ERC1: variants seen among roughly 807,000 people sequenced by gnomAD.
The protein encoded by ERC1 is RAB6 interacting protein 2.
ERC1 carries 56 observed loss-of-function variants against 132.0 expected under a neutral mutation model. That is an observed-to-expected ratio of 0.42 (90% CI 0.34 to 0.53). The LOEUF (loss-of-function observed/expected upper bound fraction) is 0.53, where lower values mean the gene tolerates loss of function less well. ERC1 is among the 20% of genes least tolerant of loss of function. ERC1 has a pLI of 0.03. For synonymous variants in ERC1, 478 were observed against 476.1 expected, an observed-to-expected ratio of 1.00 and a Z score of -0.05; for missense variants, 1,202 against 1,349.9, an observed-to-expected ratio of 0.89 and a Z score of 1.72.
intron 8 of ERC1, among the ~76,000 whole-genome samples, chr12:1,176,185 C>G (rs1326489388): frequency 6.6e-6 from 1 of 152,190 alleles, no homozygotes. Flanking sequence ...AAAATGACTC[C>G]TTGATCCATG....
intron 14 of ERC1, among the ~76,000 whole-genome samples, chr12:1,280,737 CAT>C: frequency 6.6e-6 from 1 of 152,216 alleles, no homozygotes; most frequent in Non-Finnish European, 1.5e-5. Context: ...ATACACGTAT[CAT>C]ATATGCACAT....
At chr12:1,414,383 T>C (rs1303044354) in intron 17 of ERC1, among the ~76,000 whole-genome samples, 1 of 152,154 alleles carries the variant, frequency 6.6e-6, no homozygotes, top group South Asian at 2.1e-4. Context: ...TCTCGTGGTG[T>C]TTCTTTTTAT....
At chr12:991,120 G>A (rs1219528013), upstream of ERC1, 8 of 151,520 alleles carry the variant, frequency 5.3e-5, no homozygotes, top group Admixed American at 2.6e-4. Flanking sequence ...CTGAGGGAAA[G>A]GGAGGCAGCC....
intron 15 of ERC1, among the ~76,000 whole-genome samples, chr12:1,330,961 C>G (rs2082820129): frequency 6.6e-6 from 1 of 152,126 alleles, no homozygotes; most frequent in Admixed American, 6.5e-5. Flanking sequence ...CTGTCCCCTG[C>G]TTATTTAGTT....
intron 18 of ERC1, among the ~76,000 whole-genome samples, chr12:1,457,810 T>C (rs933267319): frequency 6.6e-6 from 1 of 152,130 alleles, no homozygotes; most frequent in Non-Finnish European, 1.5e-5. Flanking sequence ...GGAGGGTCAC[T>C]TGAGCCCAGC....
At chr12:1,007,540 C>CTCTGTGTGTG (rs1555194875) in intron 1 of ERC1, among the ~76,000 whole-genome samples, 4,479 of 122,668 alleles carry the variant, frequency 0.037, 102 homozygotes, top group African/African-American at 0.054. Context: ...CTCTCTCTCT[C>CTCTGTGTGTG]TGTGTGTGTG....
At chr12:1,163,150 A>G (rs1423509417) in intron 8 of ERC1, among the ~76,000 whole-genome samples, 2 of 152,184 alleles carry the variant, frequency 1.3e-5, no homozygotes, top group African/African-American at 4.8e-5. Context: ...TTAACTTGCA[A>G]AGTATTATTT....
At position 1,110,263 on chromosome 12, in the gene ERC1, T is replaced by C. The variant is rs1431487007; in HGVS notation, c.1233T>C (p.Asn411=). 5 of 1,613,516 alleles carry C rather than the reference T, an allele frequency of 3.1e-6. No homozygotes were observed. Among genetic ancestry groups the C allele is most frequent in the East Asian group, 2.2e-5 (1 of 44,854 alleles). Reference sequence around the variant, plus strand: ...AGGAAATTCAGATGCTGAAATCGAATGGTGCTTTGAGTACTGAGGAAAGGG... The same window carrying C: ...AGGAAATTCAGATGCTGAAATCGAACGGTGCTTTGAGTACTGAGGAAAGGG... The part of the protein sequence containing the change: ...LEEEIQMLKS[N]GALSTEEREE... Residue 411 remains asparagine (N), a synonymous_variant, in exon 5 of 19, where the codon AAT becomes AAC. Transcript: ENST00000360905.
intron 17 of ERC1, among the ~76,000 whole-genome samples, chr12:1,435,590 A>G (rs187780691): frequency 9.3e-4 from 142 of 152,222 alleles, no homozygotes; most frequent in African/African-American, 3.0e-3. Context: ...TGGTGATACA[A>G]AGTTCTTGGG....
At chr12:1,473,422 T>G (rs1259546614) in intron 18 of ERC1, among the ~76,000 whole-genome samples, 1 of 152,082 alleles carries the variant, frequency 6.6e-6, no homozygotes, top group African/African-American at 2.4e-5. Flanking sequence ...AGCCTTTCCT[T>G]CCTGTAAAAA....
Position 1,490,254 on chromosome 12 carries a change from G to C in ERC1, c.*24G>C. Reference sequence around the variant, plus strand: ...GACCCTGCTTTATGGGGAAGCCTGAGGTAGTCAACCCAGGAGCCAAGAAAA... The same window carrying C: ...GACCCTGCTTTATGGGGAAGCCTGACGTAGTCAACCCAGGAGCCAAGAAAA... On this transcript the variant is annotated 3_prime_UTR_variant, in exon 19 of 19. Coordinates refer to ENST00000360905, the MANE Select transcript of ERC1 (RefSeq NM_178040.4). 2 of 1,609,628 alleles carry C rather than the reference G, an allele frequency of 1.2e-6. No homozygotes were observed. The highest frequency in any genetic ancestry group is 1.7e-6 in the Non-Finnish European group (2 of 1,177,198).
chr12:1,197,365 C>T (rs1956432178), intron 12 of ERC1, among the ~76,000 whole-genome samples: 1 of 152,144 alleles, frequency 6.6e-6, no homozygotes, highest in Non-Finnish European at 1.5e-5. Context: ...CTAACAATTC[C>T]AGTGTCTGTC....
At chr12:1,467,147 A>G (rs1592230727) in intron 18 of ERC1, among the ~76,000 whole-genome samples, 1 of 152,370 alleles carries the variant, frequency 6.6e-6, no homozygotes, top group Admixed American at 6.5e-5. Context: ...ACTCTTTTCT[A>G]ATGTAAGCTC....
intron 15 of ERC1, among the ~76,000 whole-genome samples, chr12:1,298,411 C>T (rs1004837604): frequency 4.6e-5 from 7 of 151,428 alleles, no homozygotes; most frequent in Admixed American, 2.0e-4. Context: ...GGTGTGGTGG[C>T]GGGTGTCTGT....
At chr12:1,151,281 C>T (rs895285451) in intron 8 of ERC1, among the ~76,000 whole-genome samples, 18 of 152,258 alleles carry the variant, frequency 1.2e-4, no homozygotes, top group African/African-American at 3.9e-4. Context: ...ATTTTACCTT[C>T]GGAACATTAA....
At chr12:1,110,876 G>A (rs1030414816) in intron 5 of ERC1, among the ~76,000 whole-genome samples, 1 of 152,002 alleles carries the variant, frequency 6.6e-6, no homozygotes, top group African/African-American at 2.4e-5. Flanking sequence ...CTAATTTTTT[G>A]TATTTTTTGT....
Position 1,183,347 on chromosome 12 carries a change from C to T in ERC1, c.2083C>T (p.Arg695Trp), listed in dbSNP as rs371296173. 41 of 1,599,746 alleles carry T rather than the reference C, an allele frequency of 2.6e-5. No individual in the cohort carries two copies. The highest frequency in any genetic ancestry group is 1.6e-4 in the African/African-American group (12 of 74,702). ...LASSGLKKDS[R>W]LKTLEIALEQ... ...ATCCTCAGGACTGAAAAAGGACTCA[C>T]GGCTTAAGACACTAGAGATTGCTTT... The change falls in exon 11 of 19, where the codon CGG (arginine) becomes TGG (tryptophan). Residue 695 changes from arginine to tryptophan, a missense_variant. Physicochemically the swap from Arg to Trp is moderately radical, Grantham distance 101. Coordinates refer to ENST00000360905, the MANE Select transcript of ERC1 (RefSeq NM_178040.4).
intron 2 of ERC1, among the ~76,000 whole-genome samples, chr12:1,040,858 C>A (rs1970089723): frequency 6.6e-6 from 1 of 152,080 alleles, no homozygotes; most frequent in Admixed American, 6.6e-5. Flanking sequence ...CCATCTCTTA[C>A]CGGTGGCTGG....
intron 17 of ERC1, among the ~76,000 whole-genome samples, chr12:1,425,614 G>A (rs1357646072): frequency 1.3e-5 from 2 of 152,178 alleles, no homozygotes; most frequent in African/African-American, 4.8e-5. Flanking sequence ...CGGCTTCACA[G>A]AATGACTGTG....
Sources: gnomAD v4.1 joint callset for allele counts (sites outside exome capture counted in the v4.1 genomes callset) on GRCh38, gnomAD v4.1.1 for gene constraint, MANE v1.5 for transcripts, NCBI Gene and HGNC (gene_info 2026-07-23, HGNC 2026-07-21) for gene names.